The following DGKG variants were observed in gnomAD, a reference collection of about 807,000 sequenced individuals.
DGKG encodes the protein DAG kinase gamma.
Under a neutral mutation model 105.3 loss-of-function variants are expected in DGKG, and 78 were observed. The observed-to-expected ratio is 0.74, with a 90% CI of 0.62 to 0.89. The LOEUF (loss-of-function observed/expected upper bound fraction) is 0.89. Among genes scored for constraint, DGKG ranks in the 40% least tolerant of loss-of-function variants. The pLI, the probability that DGKG is intolerant of heterozygous loss-of-function variation, is 0.00. For missense variants in DGKG, 958 were observed against 1,020.1 expected (o/e 0.94, Z 0.83); for synonymous variants, 346 against 367.1 (o/e 0.94, Z 0.66).
intron 13 of DGKG, among the ~76,000 whole-genome samples, chr3:186,265,794 C>A (rs1228554713): frequency 6.7e-6 from 1 of 149,956 alleles, no homozygotes; most frequent in African/African-American, 2.5e-5. Context: ...TCCTTAGTAG[C>A]TGGGACTACA....
intron 24 of DGKG, chr3:186,160,092 C>G: frequency 1.5e-6 from 1 of 667,016 alleles, no homozygotes; most frequent in South Asian, 6.7e-5. Context: ...TATTATGGCA[C>G]TCAAAGCAGA....
intron 24 of DGKG, chr3:186,158,814 T>C: frequency 1.1e-6 from 1 of 905,364 alleles, no homozygotes; most frequent in East Asian, 1.2e-4. Context: ...ATATCTAACA[T>C]TTTATGACCA....
At chr3:186,194,269 C>A (rs1244742040) in intron 21 of DGKG, among the ~76,000 whole-genome samples, 1 of 152,248 alleles carries the variant, frequency 6.6e-6, no homozygotes, top group African/African-American at 2.4e-5. Flanking sequence ...TAATCCTCTG[C>A]ACCCCCGCCC....
Position 186,246,791 on chromosome 3 carries a change from G to C in DGKG, c.1762-4223C>G, listed in dbSNP as rs370741273. 7.9e-5 allele frequency among the ~76,000 whole-genome samples: 12 copies of C among 152,296 alleles called. No individual in the cohort carries two copies. The East Asian group carries it at 2.3e-3, about 29-fold the overall frequency. On this transcript the variant is annotated intron_variant, in intron 19 of 24. Coordinates refer to ENST00000265022, the MANE Select transcript of DGKG (RefSeq NM_001346.3). ...ATGGTGGGAAGCTTGTCTGGTGATA[G>C]CTAGGAACGATCTGCAAGGTGGAAA...
At chr3:186,160,741 G>A (rs915075474) in intron 24 of DGKG, 6 of 985,346 alleles carry the variant, frequency 6.1e-6, no homozygotes, top group Non-Finnish European at 7.2e-6. Flanking sequence ...AGGGTATTAC[G>A]CATGTAGTAT....
intron 2 of DGKG, among the ~76,000 whole-genome samples, chr3:186,315,831 G>A (rs953244658): frequency 4.6e-5 from 7 of 152,102 alleles, no homozygotes; most frequent in Non-Finnish European, 7.4e-5. Flanking sequence ...TGTGGAGTCC[G>A]TTCCTCTACT....
intron 16 of DGKG, among the ~76,000 whole-genome samples, chr3:186,259,328 G>T (rs2108571147): frequency 6.6e-6 from 1 of 152,280 alleles, no homozygotes; most frequent in Non-Finnish European, 1.5e-5. Context: ...GTCTGTGGGG[G>T]GCTGCTCCGT....
intron 20 of DGKG, among the ~76,000 whole-genome samples, chr3:186,234,782 C>G (rs917412678): frequency 6.6e-6 from 1 of 152,112 alleles, no homozygotes; most frequent in Non-Finnish European, 1.5e-5. Context: ...ACTAGGGACC[C>G]AGGAGGAAAA....
intron 2 of DGKG, chr3:186,313,451 G>A (rs1724657443): frequency 2.1e-6 from 2 of 960,652 alleles, no homozygotes; most frequent in South Asian, 9.6e-5. Context: ...AGTAAAATTT[G>A]TATTGCTAGA....
rs974391410 is a variant in DGKG at position 186,203,233 on chromosome 3, T to C, written c.1917+8562A>G. 6.6e-6 allele frequency among the ~76,000 whole-genome samples: 1 copy of C among 152,168 alleles called. No homozygotes were observed. The highest frequency in any genetic ancestry group is 1.5e-5 in the Non-Finnish European group (1 of 68,022). ...CGACTGAAAGAGACAGAGATGGGGA[T>C]GATGGAGCTGCATTTAAAAATGAAT... On this transcript the variant is annotated intron_variant, in intron 21 of 24. Transcript: ENST00000265022. This position sits in a 1 kb window ranked among gnomAD's most constrained non-coding sequence, Gnocchi z 4.9.
chr3:186,313,984 G>T (rs1330366055), intron 2 of DGKG, among the ~76,000 whole-genome samples: 1 of 152,030 alleles, frequency 6.6e-6, no homozygotes, highest in African/African-American at 2.4e-5. Context: ...CTACATATCA[G>T]CCCTAAATAT....
In DGKG at chr3:186,188,328, T is replaced by C. The variant is rs73178197; in HGVS notation, c.1969A>G (p.Ile657Val). ...LSNIFLEGIA[I>V]LNIPSMYGGT... ...CCGTACATGCTGGGAATGTTGAGAA[T>C]GGCAATGCCTTCCAGGAAGATGTTG... Residue 657 changes from isoleucine (I) to valine (V), a missense_variant, in exon 22 of 25, where the codon ATT (isoleucine) becomes GTT (valine). Physicochemically the swap from Ile to Val is conservative, Grantham distance 29. Coordinates refer to ENST00000265022, the MANE Select transcript of DGKG (RefSeq NM_001346.3). 965 of 1,614,174 alleles carry C rather than the reference T, an allele frequency of 6.0e-4. 2 individuals carry two copies. The highest frequency in any genetic ancestry group is 7.6e-4 in the Non-Finnish European group (898 of 1,180,040).
chr3:186,233,092 G>T (rs1279030519), intron 20 of DGKG, among the ~76,000 whole-genome samples: 1 of 152,164 alleles, frequency 6.6e-6, no homozygotes, highest in Non-Finnish European at 1.5e-5. Flanking sequence ...AGTATGTTAG[G>T]TTACGTGGCA....
At chr3:186,299,840 T>TCTTTCTCTC (rs1553815789) in intron 3 of DGKG, among the ~76,000 whole-genome samples, 4 of 80,724 alleles carry the variant, frequency 5.0e-5, no homozygotes, top group African/African-American at 2.0e-4. Flanking sequence ...TTTCTTTCTT[T>TCTTTCTCTC]TTTTTTTTTT....
chr3:186,240,323 G>A (rs927525228), intron 20 of DGKG, among the ~76,000 whole-genome samples: 1 of 152,108 alleles, frequency 6.6e-6, no homozygotes, highest in African/African-American at 2.4e-5. Context: ...AAACCATTCT[G>A]CACATCTGCT....
chr3:186,323,429 G>A (rs1367955038), intron 1 of DGKG, among the ~76,000 whole-genome samples: 1 of 152,120 alleles, frequency 6.6e-6, no homozygotes, highest in African/African-American at 2.4e-5. Flanking sequence ...TTTTGCGGAT[G>A]AGAAAAAAAT....
At chr3:186,265,151 C>A (rs1351403047) in intron 14 of DGKG, 96 bp downstream of exon 14, 3 of 1,205,650 alleles carry the variant, frequency 2.5e-6, no homozygotes, top group Non-Finnish European at 2.5e-6. Flanking sequence ...AAGGCAAATG[C>A]TGAGATGCTT....
chr3:186,305,583 G>A (rs1295389266), intron 3 of DGKG, among the ~76,000 whole-genome samples: 2 of 152,124 alleles, frequency 1.3e-5, no homozygotes, highest in Admixed American at 6.5e-5. Flanking sequence ...AAGTTTTAAC[G>A]GATTGCTCAG....
chr3:186,189,390 T>A (rs1426316154), intron 21 of DGKG, among the ~76,000 whole-genome samples: 1 of 152,216 alleles, frequency 6.6e-6, no homozygotes, highest in East Asian at 1.9e-4. Flanking sequence ...GCAAGAAATA[T>A]CAGCTCTGAT....
Sources: allele counts gnomAD v4.1 joint callset (sites outside exome capture counted in the v4.1 genomes callset), GRCh38; gene constraint gnomAD v4.1.1; non-coding constraint Gnocchi (gnomAD v3.1); transcripts MANE v1.5; gene names NCBI Gene and HGNC (gene_info 2026-07-23, HGNC 2026-07-21).